Variants in TTC7A observed in about 807,000 individuals in gnomAD.
TTC7A encodes the protein tetratricopeptide repeat domain 7A.
In TTC7A, 110 loss-of-function variants were observed where a neutral mutation model predicts 103.7. That is an observed-to-expected ratio of 1.06 (90% CI 0.91 to 1.24). TTC7A has a LOEUF of 1.24. Among genes scored for constraint, TTC7A ranks in the 50% most tolerant of loss-of-function variants. TTC7A has a pLI of 0.00. For synonymous variants in TTC7A, 521 were observed against 467.9 expected (o/e 1.11, Z -1.47); for missense variants, 1,340 against 1,116.3 (o/e 1.20, Z -2.86).
intron 2 of TTC7A, among the ~76,000 whole-genome samples, chr2:46,920,566 C>G (rs183909504): frequency 6.6e-6 from 1 of 151,438 alleles, no homozygotes; most frequent in East Asian, 1.9e-4. Flanking sequence ...CCTGAACTCA[C>G]GTGATCTGCC....
At chr2:46,964,479 G>T (rs190486407) in intron 3 of TTC7A, among the ~76,000 whole-genome samples, 1 of 152,194 alleles carries the variant, frequency 6.6e-6, no homozygotes, top group East Asian at 1.9e-4. Context: ...CTTTGGCTGT[G>T]GGTCACCACA....
chr2:47,054,532 A>G (rs949801216), intron 18 of TTC7A, among the ~76,000 whole-genome samples: 1 of 152,188 alleles, frequency 6.6e-6, no homozygotes, highest in African/African-American at 2.4e-5. Context: ...TGGGTGTCCC[A>G]TTAAAAGTCA....
At chr2:46,925,318 G>A (rs1166135396) in intron 2 of TTC7A, among the ~76,000 whole-genome samples, 2 of 152,130 alleles carry the variant, frequency 1.3e-5, no homozygotes, top group African/African-American at 4.8e-5. Context: ...AGCACTTTGG[G>A]AGGCTAAGGT....
At position 46,980,219 on chromosome 2, in the gene TTC7A, T is replaced by C. The variant is rs867923989; in HGVS notation, c.764+1312T>C. Among the ~76,000 whole-genome samples the C allele has an allele frequency of 7.1e-3, 1,049 of 146,966 alleles. 8 individuals are homozygous for C. Among genetic ancestry groups the C allele is most frequent in the Non-Finnish European group, 0.012 (804 of 66,124 alleles). On this transcript the variant is annotated intron_variant, in intron 5 of 19. Coordinates refer to ENST00000319190, the MANE Select transcript of TTC7A (RefSeq NM_020458.4). The stretch of plus-strand genomic sequence containing the variant: ...TCTTCTACCCTATACTCTCTCTCTT[T>C]TTTTTTTTTTTTTTTTTTAAAGACA...
chr2:46,974,268 A>G (rs894337884), intron 3 of TTC7A, among the ~76,000 whole-genome samples: 5 of 152,266 alleles, frequency 3.3e-5, no homozygotes, highest in Non-Finnish European at 5.9e-5. Flanking sequence ...TTAAAGGGGT[A>G]CTTGGCATGA....
At chr2:47,013,669 T>C (rs1678316838) in intron 11 of TTC7A, among the ~76,000 whole-genome samples, 1 of 152,232 alleles carries the variant, frequency 6.6e-6, no homozygotes, top group South Asian at 2.1e-4. Context: ...ATAATTACAG[T>C]AATTATGTGC....
chr2:47,041,880 TTGGC>T (rs773961225), intron 15 of TTC7A, among the ~76,000 whole-genome samples: 6 of 152,102 alleles, frequency 3.9e-5, no homozygotes, highest in Non-Finnish European at 8.8e-5. Context: ...GAGGAGGGCT[TTGGC>T]TGGGCTACAG....
At position 47,007,060 on chromosome 2, in the gene TTC7A, A is replaced by G. The variant is rs1211946817; in HGVS notation, c.1287+336A>G. Among the ~76,000 whole-genome samples the G allele has an allele frequency of 6.6e-6, 1 of 152,132 alleles. No individual in the cohort carries two copies. The highest frequency in any genetic ancestry group is 6.5e-5 in the Admixed American group (1 of 15,276). ...ATGAGGTGCATCCAGGTGAGTGAAC[A>G]TTGTTCCACGTGGGCTGTAGTTCTC... On this transcript the variant is annotated intron_variant, in intron 10 of 19. Transcript: ENST00000319190. The surrounding 1 kb of genome is among the most constrained non-coding windows in gnomAD (Gnocchi z 4.9).
At chr2:47,069,678 C>G (rs1040702629) in intron 19 of TTC7A, among the ~76,000 whole-genome samples, 6 of 152,202 alleles carry the variant, frequency 3.9e-5, no homozygotes, top group Non-Finnish European at 7.3e-5. Flanking sequence ...CGTTCCAGGT[C>G]TGGTTGGACA....
At chr2:47,037,464 CTG>C in intron 15 of TTC7A, among the ~76,000 whole-genome samples, 1 of 152,318 alleles carries the variant, frequency 6.6e-6, no homozygotes, top group Non-Finnish European at 1.5e-5. Flanking sequence ...TTTGGTTGCT[CTG>C]TTTTTTGGTC....
At position 47,026,630 on chromosome 2, in the gene TTC7A, C is replaced by T. The variant is rs1679946265; in HGVS notation, c.1641+2271C>T. Among the ~76,000 whole-genome samples the T allele has an allele frequency of 2.6e-5, 4 of 152,240 alleles. No individual in the cohort carries two copies. In the South Asian group the frequency reaches 8.3e-4, roughly 32 times the overall value. On this transcript the variant is annotated intron_variant, in intron 14 of 19. Coordinates refer to ENST00000319190, the MANE Select transcript of TTC7A (RefSeq NM_020458.4). ...CACAGGAGCTAACGCAGCTCCCAGGCCTGAGAGCACGTGCCTTCAGGCTGG... is the reference window on the plus strand; with the variant it reads ...CACAGGAGCTAACGCAGCTCCCAGGTCTGAGAGCACGTGCCTTCAGGCTGG...
intron 19 of TTC7A, among the ~76,000 whole-genome samples, chr2:47,061,632 T>C (rs1367606121): frequency 1.3e-5 from 2 of 152,198 alleles, no homozygotes; most frequent in Non-Finnish European, 2.9e-5. Context: ...TGTCCTGGCC[T>C]TACCTCTACC....
At chr2:46,930,342 C>G (rs902063086) in intron 2 of TTC7A, among the ~76,000 whole-genome samples, 3 of 150,304 alleles carry the variant, frequency 2.0e-5, no homozygotes, top group African/African-American at 7.4e-5. Flanking sequence ...ATTCAAATAG[C>G]ACTATAAATT....
At chr2:46,970,743 G>C (rs548630276) in intron 3 of TTC7A, among the ~76,000 whole-genome samples, 1 of 152,332 alleles carries the variant, frequency 6.6e-6, no homozygotes, top group East Asian at 1.9e-4. Context: ...AGTGAGCAAC[G>C]AGGCCTGCCT....
chr2:47,067,658 T>G (rs1034575159), intron 19 of TTC7A, among the ~76,000 whole-genome samples: 6 of 152,250 alleles, frequency 3.9e-5, no homozygotes, highest in Admixed American at 2.6e-4. Context: ...CACTTTGCCT[T>G]CACTCACTGA....
At chr2:46,954,412 C>G (rs1186986292) in intron 2 of TTC7A, among the ~76,000 whole-genome samples, 2 of 152,060 alleles carry the variant, frequency 1.3e-5, no homozygotes, top group African/African-American at 4.8e-5. Context: ...ATGGGCCCCA[C>G]AGAGTGCAGT....
intron 1 of TTC7A, among the ~76,000 whole-genome samples, chr2:46,942,141 C>T (rs375943622): frequency 3.4e-4 from 51 of 152,186 alleles, no homozygotes; most frequent in African/African-American, 1.2e-3. Flanking sequence ...AACGGAGCTC[C>T]GTCCGAAGCA....
intron 18 of TTC7A, among the ~76,000 whole-genome samples, chr2:47,053,270 C>T (rs1431246937): frequency 6.6e-6 from 1 of 152,124 alleles, no homozygotes; most frequent in African/African-American, 2.4e-5. Flanking sequence ...AACAAGGCCT[C>T]GCCTTAGGCA....
chr2:46,960,472 G>C (rs1672273718), intron 3 of TTC7A, among the ~76,000 whole-genome samples: 1 of 152,208 alleles, frequency 6.6e-6, no homozygotes, highest in Non-Finnish European at 1.5e-5. Flanking sequence ...GTATGTCTCT[G>C]ATGTATGTGC....
Sources: gnomAD v4.1 joint callset for allele counts (sites outside exome capture counted in the v4.1 genomes callset) on GRCh38, gnomAD v4.1.1 for gene constraint, Gnocchi (gnomAD v3.1) non-coding constraint, MANE v1.5 for transcripts, NCBI Gene and HGNC (gene_info 2026-07-23, HGNC 2026-07-21) for gene names.